The following MMP26 variants were observed in gnomAD, a reference collection of about 807,000 sequenced individuals.
MMP26 encodes matrix metalloproteinase-26.
A neutral mutation model predicts 31.0 loss-of-function variants in MMP26; 33 were observed. That is an observed-to-expected ratio of 1.06 (90% confidence interval 0.81 to 1.42). The LOEUF is 1.42. Ranked by LOEUF, MMP26 falls within the 40% of genes most tolerant of loss-of-function variation. The pLI is 0.00. For synonymous variants in MMP26, 122 were observed against 114.9 expected (o/e 1.06, Z -0.40); for missense variants, 347 against 316.1 (o/e 1.10, Z -0.74).
chr11:4,781,680 A>T lies in MMP26; in HGVS notation c.-145+14339A>T, dbSNP rs149838118. Among the ~76,000 whole-genome samples, 80 of 148,260 alleles carry T rather than the reference A, an allele frequency of 5.4e-4. No individual in the cohort carries two copies. In the East Asian group the frequency reaches 0.014, roughly 25 times the overall value. ...AACCATTCTGATTATATAGTGTTGT[A>T]TAAAATACCACCCTGATGTGGTTTG... On this transcript the variant is annotated intron_variant, in intron 2 of 7. Coordinates refer to ENST00000380390, the MANE Select transcript of MMP26 (RefSeq NM_021801.5).
chr11:4,986,932 C>CTCTCTCTCTCT lies in MMP26; in HGVS notation c.-144-1136_-144-1135insTCTCTCTCTCT, dbSNP rs1564819722. Among the ~76,000 whole-genome samples, 48 of 60,440 alleles carry CTCTCTCTCTCT rather than the reference C, an allele frequency of 7.9e-4. 1 individual carries two copies. The highest frequency in any genetic ancestry group is 1.4e-3 in the South Asian group (2 of 1,470). 39.7% of individuals were successfully genotyped at this position (60,440 alleles called of 152,430 possible). ...CTCTCTCTCTCTCTCTCTCTCTCTC[C>CTCTCTCTCTCT]CTCTCTCTCTCTCTCTCTCTCTCTC... is the stretch of plus-strand genomic sequence containing the variant. On this transcript the variant is annotated intron_variant, in intron 2 of 7. Coordinates refer to ENST00000380390, the MANE Select transcript of MMP26 (RefSeq NM_021801.5).
intron 2 of MMP26, chr11:4,912,894 G>A (rs1275476604): frequency 6.6e-6 from 1 of 151,590 alleles, no homozygotes; most frequent in African/African-American, 2.4e-5. Flanking sequence ...AAAAACCTCA[G>A]GACTATCATG....
At chr11:4,772,727 A>G (rs1259035964) in intron 2 of MMP26, among the ~76,000 whole-genome samples, 1 of 152,232 alleles carries the variant, frequency 6.6e-6, no homozygotes, top group Non-Finnish European at 1.5e-5. Flanking sequence ...GACACTTTAC[A>G]GTCTACTAAT....
intron 2 of MMP26, chr11:4,944,560 A>C (rs950200617): frequency 6.6e-6 from 1 of 152,326 alleles, no homozygotes; most frequent in Admixed American, 6.5e-5. Flanking sequence ...AGCATTTGAC[A>C]TTCCTGGAAG....
intron 2 of MMP26, among the ~76,000 whole-genome samples, chr11:4,837,188 C>A (rs925634001): frequency 7.9e-5 from 12 of 152,000 alleles, no homozygotes; most frequent in Non-Finnish European, 1.8e-4. Context: ...GCAAAAACTG[C>A]AATTATGTTT....
At chr11:4,804,245 T>C (rs900123994) in intron 2 of MMP26, 2 of 1,613,476 alleles carry the variant, frequency 1.2e-6, no homozygotes, top group Non-Finnish European at 1.7e-6. Context: ...AGGAGAGTGA[T>C]ATTTCCAACA....
At chr11:4,887,795 A>G (rs984841418) in intron 2 of MMP26, among the ~76,000 whole-genome samples, 5 of 152,156 alleles carry the variant, frequency 3.3e-5, no homozygotes, top group African/African-American at 9.6e-5. Flanking sequence ...AATTTCATTA[A>G]TGCAATTCCT....
At chr11:4,812,996 C>T (rs934758501) in intron 2 of MMP26, among the ~76,000 whole-genome samples, 9 of 146,212 alleles carry the variant, frequency 6.2e-5, no homozygotes, top group African/African-American at 1.9e-4. Context: ...TGTATATGTG[C>T]GAGTGTGTGT....
At chr11:4,955,548 A>T (rs570334407) in intron 2 of MMP26, 1 of 1,351,008 alleles carries the variant, frequency 7.4e-7, no homozygotes, top group Admixed American at 1.9e-5. Context: ...CCATGCAAGG[A>T]GGGCTCTGTC....
chr11:4,946,196 A>C lies in MMP26; in HGVS notation c.-144-41872A>C, dbSNP rs138097623. 4.0e-5 allele frequency: 65 copies of C among 1,613,932 alleles called. No individual in the cohort carries two copies. The East Asian group carries it at 4.5e-4, about 11-fold the overall frequency. On this transcript the variant is annotated intron_variant, in intron 2 of 7. Coordinates refer to ENST00000380390, the MANE Select transcript of MMP26 (RefSeq NM_021801.5). The stretch of plus-strand genomic sequence containing the variant: ...TTGACACAATTTTGCTACAACTCTC[A>C]CTCTAATCTGTTTAGTTTTTACACA...
In MMP26 at chr11:4,814,287, G is replaced by A. The variant is rs180747395; in HGVS notation, c.-145+46946G>A. ...AATGGTTTATACATCCACCAAAAACGTCTAAAGATGCTTATAGCAGCTGTA... is the reference window on the plus strand; with the variant it reads ...AATGGTTTATACATCCACCAAAAACATCTAAAGATGCTTATAGCAGCTGTA... On this transcript the variant is annotated intron_variant, in intron 2 of 7. Transcript: ENST00000380390. Among the ~76,000 whole-genome samples the A allele has an allele frequency of 4.7e-4, 72 of 152,182 alleles. 1 individual carries two copies. The highest frequency in any genetic ancestry group is 1.7e-3 in the African/African-American group (72 of 41,526).
chr11:4,779,171 A>T (rs1233699336), intron 2 of MMP26, among the ~76,000 whole-genome samples: 2 of 152,032 alleles, frequency 1.3e-5, no homozygotes, highest in Non-Finnish European at 2.9e-5. Flanking sequence ...GTTAGGCATC[A>T]TTATCCTGTG....
At chr11:4,785,161 G>A (rs569128575) in intron 2 of MMP26, among the ~76,000 whole-genome samples, 1 of 152,136 alleles carries the variant, frequency 6.6e-6, no homozygotes, top group African/African-American at 2.4e-5. Flanking sequence ...ATCCCAGTTT[G>A]CCCAAGACTG....
intron 1 of MMP26, among the ~76,000 whole-genome samples, chr11:4,717,733 G>A (rs1323189927): frequency 6.6e-6 from 1 of 152,186 alleles, no homozygotes; most frequent in Non-Finnish European, 1.5e-5. Flanking sequence ...CAACAGTCCT[G>A]TGGATATGCA....
At chr11:4,827,106 G>A (rs962510318) in intron 2 of MMP26, among the ~76,000 whole-genome samples, 10 of 152,094 alleles carry the variant, frequency 6.6e-5, no homozygotes, top group African/African-American at 1.7e-4. Context: ...TTCTTCCTGC[G>A]AAAAGCCAGC....
chr11:4,987,920 G>A (rs1846929847), intron 2 of MMP26, 148 bp from the exon 3 acceptor site: 2 of 394,166 alleles, frequency 5.1e-6, no homozygotes, highest in Non-Finnish European at 9.4e-6. Context: ...AAAAAATGAT[G>A]CCCCCTATAT....
chr11:4,720,508 A>G, intron 1 of MMP26, among the ~76,000 whole-genome samples: 1 of 152,242 alleles, frequency 6.6e-6, no homozygotes, highest in Admixed American at 6.5e-5. Context: ...GGAAGCATTT[A>G]GTACAAAGAA....
At chr11:4,903,688 A>T (rs545383334) in intron 2 of MMP26, 1 of 152,106 alleles carries the variant, frequency 6.6e-6, no homozygotes, top group Non-Finnish European at 1.5e-5. Flanking sequence ...GATTACTCTC[A>T]AGGGTCTAGT....
At chr11:4,809,937 T>G (rs577245420) in intron 2 of MMP26, among the ~76,000 whole-genome samples, 3 of 147,608 alleles carry the variant, frequency 2.0e-5, no homozygotes, top group Admixed American at 6.9e-5. Context: ...AAGCATGGCA[T>G]GGCCAGAAGG....
Sources: gnomAD v4.1 joint callset for allele counts (sites outside exome capture counted in the v4.1 genomes callset) on GRCh38, gnomAD v4.1.1 for gene constraint, MANE v1.5 for transcripts, NCBI Gene and HGNC (gene_info 2026-07-23, HGNC 2026-07-21) for gene names.